The following RFLNA variants were observed in gnomAD, a reference collection of about 807,000 sequenced individuals.
RFLNA encodes refilin A.
A neutral mutation model predicts 7.8 loss-of-function variants in RFLNA; 5 were observed. The ratio of observed to expected loss-of-function variants is 0.64; its 90% CI spans 0.34 to 1.35. RFLNA has a LOEUF of 1.35. RFLNA is among the 40% of genes most tolerant of loss of function. RFLNA has a pLI of 0.04. For missense variants in RFLNA, 278 were observed against 305.5 expected, an observed-to-expected ratio of 0.91 and a Z score of 0.67; for synonymous variants, 141 against 131.3, an observed-to-expected ratio of 1.07 and a Z score of -0.50.
At chr12:124,300,780 ATGGATG>A (rs1398514681) in intron 1 of RFLNA, among the ~76,000 whole-genome samples, 2 of 85,176 alleles carry the variant, frequency 2.3e-5, no homozygotes, top group African/African-American at 1.1e-4. Flanking sequence ...GGATTGACGG[ATGGATG>A]GATGGATGGA....
At chr12:124,308,022 C>T (rs2034167691) in intron 1 of RFLNA, among the ~76,000 whole-genome samples, 1 of 150,090 alleles carries the variant, frequency 6.7e-6, no homozygotes, top group South Asian at 2.1e-4. Context: ...CGCTCTGTTG[C>T]CCAGGCTGGA....
At chr12:124,301,155 A>C (rs922265896) in intron 1 of RFLNA, among the ~76,000 whole-genome samples, 6 of 152,174 alleles carry the variant, frequency 3.9e-5, no homozygotes, top group African/African-American at 1.4e-4. Context: ...GCCTGTTTGC[A>C]GAAAGGGAGG....
intron 1 of RFLNA, among the ~76,000 whole-genome samples, chr12:124,309,033 C>T (rs2034188225): frequency 6.6e-6 from 1 of 152,220 alleles, no homozygotes; most frequent in African/African-American, 2.4e-5. Context: ...CGGCTAGTGG[C>T]CCCTGTATTA....
At position 124,315,720 on chromosome 12, in the gene RFLNA, T is replaced by C. The variant is rs1593043716; in HGVS notation, c.*1195T>C. The C allele has an allele frequency of 6.6e-6, 1 of 152,010 alleles. No homozygotes were observed. Among genetic ancestry groups the C allele is most frequent in the Non-Finnish European group, 1.5e-5 (1 of 68,052 alleles). The allele number at this position is 152,010 out of a possible 1,614,324, so 9.4% of individuals were successfully genotyped here. On this transcript the variant is annotated 3_prime_UTR_variant, in exon 3 of 3. Coordinates refer to ENST00000546355, the MANE Select transcript of RFLNA (RefSeq NM_001365156.1). ...CCCAGAAGCCAGCACTGTGGCAGGGTGCTGGGGAGATGCCCCTCTGAGCCT... is the reference window on the plus strand; with the variant it reads ...CCCAGAAGCCAGCACTGTGGCAGGGCGCTGGGGAGATGCCCCTCTGAGCCT...
intron 1 of RFLNA, among the ~76,000 whole-genome samples, chr12:124,311,531 G>C (rs1485559760): frequency 1.3e-5 from 2 of 152,256 alleles, no homozygotes; most frequent in Non-Finnish European, 2.9e-5. Context: ...GTGGCCTTGA[G>C]GTTGCAGTGA....
chr12:124,290,323 T>C (rs544444962), upstream of RFLNA, among the ~76,000 whole-genome samples: 1 of 152,208 alleles, frequency 6.6e-6, no homozygotes, highest in Non-Finnish European at 1.5e-5. This position sits in a 1 kb window ranked among gnomAD's most constrained non-coding sequence, Gnocchi z 4.0. Context: ...TGTGTCCATG[T>C]ATGTGCATTT....
At chr12:124,300,452 AC>A (rs1410334103) in intron 1 of RFLNA, among the ~76,000 whole-genome samples, 6 of 150,302 alleles carry the variant, frequency 4.0e-5, no homozygotes, top group African/African-American at 1.5e-4. Flanking sequence ...CTTGGCTGGG[AC>A]CCTTGGGACT....
chr12:124,312,961 C>T (rs937791297), intron 2 of RFLNA, among the ~76,000 whole-genome samples: 14 of 152,218 alleles, frequency 9.2e-5, no homozygotes, highest in Middle Eastern at 3.2e-3. Flanking sequence ...GGGGCTCTCT[C>T]CATCCACTCG....
chr12:124,295,685 G>C lies in RFLNA; in HGVS notation c.207+49G>C, dbSNP rs150083846. ...AACGGGGGACCGCGTGGGCGGGTGGGTGAGGGCTGCCCCCAGAGACGCGCG... is the reference window on the plus strand; with the variant it reads ...AACGGGGGACCGCGTGGGCGGGTGGCTGAGGGCTGCCCCCAGAGACGCGCG... On this transcript the variant is annotated intron_variant, in intron 1 of 2. Transcript: ENST00000546355. 813 of 1,230,192 alleles carry C rather than the reference G, an allele frequency of 6.6e-4. 9 individuals are homozygous for C. In the East Asian group the frequency reaches 0.021, roughly 31 times the overall value. The allele number at this position is 1,230,192 out of a possible 1,614,324, so 76.2% of individuals were successfully genotyped here. A position where few individuals can be genotyped will look rare whatever the true frequency, so the allele number is the denominator to read the frequency against.
chr12:124,304,530 G>T (rs1421306405), intron 1 of RFLNA, among the ~76,000 whole-genome samples: 2 of 152,366 alleles, frequency 1.3e-5, no homozygotes, highest in East Asian at 1.9e-4. Flanking sequence ...CGGCGCCCAC[G>T]TTCCAGGTGT....
chr12:124,306,937 T>C lies in RFLNA; in HGVS notation c.208-4881T>C, dbSNP rs116108850. ...GAGGCCGGTGTGCATGTGGTCACCA[T>C]GGTTATAGGCTTGGCCCTCTGCGGC... On this transcript the variant is annotated intron_variant, in intron 1 of 2. Transcript: ENST00000546355. This position sits in a 1 kb window ranked among gnomAD's most constrained non-coding sequence, Gnocchi z 5.2. 0.018 allele frequency among the ~76,000 whole-genome samples: 2,786 copies of C among 152,184 alleles called. 90 individuals are homozygous for C. Among genetic ancestry groups the C allele is most frequent in the African/African-American group, 0.063 (2,630 of 41,518 alleles).
chr12:124,293,173 C>T (rs2033849324), upstream of RFLNA, among the ~76,000 whole-genome samples: 1 of 152,128 alleles, frequency 6.6e-6, no homozygotes, highest in African/African-American at 2.4e-5. Flanking sequence ...GGGATCCACC[C>T]GCCTCAGCTT....
At chr12:124,301,830 G>T (rs2034043559) in intron 1 of RFLNA, among the ~76,000 whole-genome samples, 1 of 152,206 alleles carries the variant, frequency 6.6e-6, no homozygotes, top group South Asian at 2.1e-4. Context: ...TGGCAGAGCT[G>T]TGGGTCCCTG....
intron 2 of RFLNA, among the ~76,000 whole-genome samples, chr12:124,312,295 C>T (rs1022494445): frequency 6.6e-6 from 1 of 150,604 alleles, no homozygotes; most frequent in Non-Finnish European, 1.5e-5. Flanking sequence ...CACCCTAACT[C>T]TACCTCCCTT....
Position 124,314,700 on chromosome 12 carries a change from C to T in RFLNA, c.*175C>T, listed in dbSNP as rs1225745912. On this transcript the variant is annotated 3_prime_UTR_variant, in exon 3 of 3. Transcript: ENST00000546355. ...CCCGCTGCCTGCCCTGACCTACAGG[C>T]TAGGTGGTGGTCTCCTTGTTTTGGT... The T allele has an allele frequency of 9.4e-7, 1 of 1,059,134 alleles. No individual in the cohort carries two copies. The highest frequency in any genetic ancestry group is 2.6e-5 in the East Asian group (1 of 38,712). The allele number at this position is 1,059,134 out of a possible 1,614,324, so 65.6% of individuals were successfully genotyped here.
chr12:124,310,350 C>A (rs1265379059), intron 1 of RFLNA, among the ~76,000 whole-genome samples: 1 of 151,388 alleles, frequency 6.6e-6, no homozygotes, highest in African/African-American at 2.4e-5. Context: ...GAGGCTGAGT[C>A]TGGCGGGGAA....
At chr12:124,302,929 G>A (rs367615230) in intron 1 of RFLNA, among the ~76,000 whole-genome samples, 1 of 151,976 alleles carries the variant, frequency 6.6e-6, no homozygotes, top group Admixed American at 6.6e-5. Context: ...CGCCTCTCCC[G>A]CGGCCCGTGT....
At chr12:124,312,805 TATGA>T (rs1368669754) in intron 2 of RFLNA, among the ~76,000 whole-genome samples, 5 of 151,564 alleles carry the variant, frequency 3.3e-5, no homozygotes, top group Non-Finnish European at 7.4e-5. Flanking sequence ...ATATGACGCA[TATGA>T]CATCTTAGGT....
chr12:124,314,151 C>G, intron 2 of RFLNA, 41 bp from the exon 3 acceptor site: 1 of 1,581,558 alleles, frequency 6.3e-7, no homozygotes, highest in Non-Finnish European at 8.6e-7. Flanking sequence ...CGGGCTGCCC[C>G]CAATCCTGGG....
Sources: gnomAD v4.1 joint callset for allele counts (sites outside exome capture counted in the v4.1 genomes callset) on GRCh38, gnomAD v4.1.1 for gene constraint, Gnocchi (gnomAD v3.1) non-coding constraint, MANE v1.5 for transcripts, NCBI Gene and HGNC (gene_info 2026-07-23, HGNC 2026-07-21) for gene names.